The following CLEC16A variants were observed in gnomAD, a reference collection of about 807,000 sequenced individuals.
CLEC16A encodes the protein C-type lectin domain containing 16A.
Under a neutral mutation model 109.5 loss-of-function variants are expected in CLEC16A, and 51 were observed. The observed-to-expected ratio is 0.47, with a 90% CI of 0.37 to 0.59. The LOEUF (loss-of-function observed/expected upper bound fraction) is 0.59. CLEC16A is among the 20% of genes least tolerant of loss of function. The probability of loss-of-function intolerance (pLI) is 0.00; values close to 1 mark genes in which losing one functional copy is unlikely to be tolerated. For missense variants in CLEC16A, 1,339 were observed against 1,394.0 expected, an observed-to-expected ratio of 0.96 and a Z score of 0.63; for synonymous variants, 673 against 564.2, an observed-to-expected ratio of 1.19 and a Z score of -2.73.
In CLEC16A at chr16:11,178,743, G is replaced by A. The variant is rs756324255; in HGVS notation, c.*53G>A. The A allele has an allele frequency of 1.6e-5, 22 of 1,353,878 alleles. No individual in the cohort carries two copies. Among genetic ancestry groups the A allele is most frequent in the Non-Finnish European group, 2.1e-5 (22 of 1,024,624 alleles). 83.9% of individuals were successfully genotyped at this position (1,353,878 alleles called of 1,614,324 possible). A position where few individuals can be genotyped will look rare whatever the true frequency, so the allele number is the denominator to read the frequency against. On this transcript the variant is annotated 3_prime_UTR_variant, in exon 24 of 24. Transcript: ENST00000409790. This position sits in a 1 kb window ranked among gnomAD's most constrained non-coding sequence, Gnocchi z 6.5. ...TGTGGCCCCGCTGGTAGGGACCCCA[G>A]TGCCGCTGACTGGCAAGACACACTG... is the stretch of plus-strand genomic sequence containing the variant.
Position 10,977,300 on chromosome 16 carries a change from G to A in CLEC16A, c.804G>A (p.Leu268=), listed in dbSNP as rs766875525. ...LDHLHYLNDI[L]IINCEFLNDV... is the part of the protein sequence containing the mutation. Reference sequence around the variant, plus strand: ...ACCTGCACTATCTCAATGACATCCTGATCATCAACTGTGAGTTCCTCAACG... The same window carrying A: ...ACCTGCACTATCTCAATGACATCCTAATCATCAACTGTGAGTTCCTCAACG... Residue 268 remains leucine, a synonymous_variant, in exon 8 of 24, where the codon CTG becomes CTA. Coordinates refer to ENST00000409790, the MANE Select transcript of CLEC16A (RefSeq NM_015226.3). 5 of 1,613,870 alleles carry A rather than the reference G, an allele frequency of 3.1e-6. No homozygotes were observed. The African/African-American group carries it at 5.3e-5, about 17-fold the overall frequency.
intron 19 of CLEC16A, among the ~76,000 whole-genome samples, chr16:11,107,867 C>T (rs1298020134): frequency 6.6e-6 from 1 of 152,214 alleles, no homozygotes; most frequent in African/African-American, 2.4e-5. Flanking sequence ...AGATGCATTG[C>T]ACTGTCCTCC....
chr16:11,167,736 T>C (rs1467167432), intron 23 of CLEC16A, among the ~76,000 whole-genome samples: 1 of 152,142 alleles, frequency 6.6e-6, no homozygotes, highest in East Asian at 1.9e-4. Context: ...TGAGAGATCC[T>C]CTTCCACTCG....
intron 22 of CLEC16A, among the ~76,000 whole-genome samples, chr16:11,161,710 G>A (rs945344127): frequency 6.6e-6 from 1 of 152,210 alleles, no homozygotes; most frequent in Admixed American, 6.5e-5. Context: ...ACCCAGCTCT[G>A]CTCATCTCTC....
intron 22 of CLEC16A, among the ~76,000 whole-genome samples, chr16:11,163,232 T>A (rs891776184): frequency 5.3e-5 from 8 of 152,302 alleles, no homozygotes; most frequent in Admixed American, 1.3e-4. Flanking sequence ...CCTGATTCTC[T>A]GATGTGTTGC....
chr16:11,020,929 C>T (rs1354227784), intron 12 of CLEC16A, among the ~76,000 whole-genome samples: 2 of 152,222 alleles, frequency 1.3e-5, no homozygotes, highest in African/African-American at 4.8e-5. Flanking sequence ...AAGGCTACTC[C>T]CAGCGTATGC....
rs988025617 is a variant in CLEC16A, at chr16:11,180,037, G to C, written c.*1347G>C. ...CGGCCCCTCACCTCTCTGGTCACTG[G>C]TGAGACCTTCCACAACTTTCCTCCA... On this transcript the variant is annotated 3_prime_UTR_variant, in exon 24 of 24. Transcript: ENST00000409790. The C allele has an allele frequency of 2.6e-5, 4 of 152,426 alleles. No individual in the cohort carries two copies. Among genetic ancestry groups the C allele is most frequent in the African/African-American group, 9.7e-5 (4 of 41,450 alleles). The allele number at this position is 152,426 out of a possible 1,614,324, so 9.4% of individuals were successfully genotyped here.
At chr16:11,047,258 T>C in intron 16 of CLEC16A, 34 bp from the exon 17 acceptor site, 1 of 1,576,670 alleles carries the variant, frequency 6.3e-7, no homozygotes, top group Non-Finnish European at 8.7e-7. Flanking sequence ...AAAATATGAA[T>C]AATCTCCTCT....
At chr16:11,038,022 A>T (rs867197971) in intron 13 of CLEC16A, among the ~76,000 whole-genome samples, 1 of 152,132 alleles carries the variant, frequency 6.6e-6, no homozygotes, top group African/African-American at 2.4e-5. Flanking sequence ...TTTTTGAGGA[A>T]ACCCACATTT....
intron 19 of CLEC16A, among the ~76,000 whole-genome samples, chr16:11,087,285 C>T (rs2050065290): frequency 6.6e-6 from 1 of 152,068 alleles, no homozygotes; most frequent in Admixed American, 6.5e-5. Flanking sequence ...GGACCCCTGC[C>T]TGCCCACAGA....
chr16:11,024,123 A>G (rs2046279394), intron 12 of CLEC16A: 1 of 152,392 alleles, frequency 6.6e-6, no homozygotes, highest in South Asian at 2.1e-4. Flanking sequence ...AAGTGAAATC[A>G]TGAAGTAGTG....
At chr16:11,022,361 T>TG (rs2046158006) in intron 12 of CLEC16A, among the ~76,000 whole-genome samples, 1 of 142,300 alleles carries the variant, frequency 7.0e-6, no homozygotes, top group South Asian at 2.3e-4. Flanking sequence ...TTTTTTTTTT[T>TG]GCAAAGACAG....
chr16:10,962,409 C>T (rs1326050204), intron 2 of CLEC16A, 46 bp from the exon 3 acceptor site: 20 of 1,611,514 alleles, frequency 1.2e-5, no homozygotes, highest in Non-Finnish European at 1.7e-5. Flanking sequence ...ATTTCTGTTT[C>T]CACATGTGGA....
Position 11,133,778 on chromosome 16 carries a change from A to T in CLEC16A, c.2641+7632A>T, listed in dbSNP as rs575809176. 1.4e-4 allele frequency among the ~76,000 whole-genome samples: 21 copies of T among 145,114 alleles called. No individual in the cohort carries two copies. The South Asian group carries it at 4.3e-3, about 29-fold the overall frequency. ...CCAGTTCTCTCCTTGTAGCTCCCCA[A>T]GGCAAAAAATACCCTTTCTGGAGTC... is the stretch of plus-strand genomic sequence containing the variant. On this transcript the variant is annotated intron_variant, in intron 22 of 23. Coordinates refer to ENST00000409790, the MANE Select transcript of CLEC16A (RefSeq NM_015226.3).
At chr16:11,080,612 C>T (rs1041912501) in intron 19 of CLEC16A, among the ~76,000 whole-genome samples, 1 of 152,222 alleles carries the variant, frequency 6.6e-6, no homozygotes, top group African/African-American at 2.4e-5. Flanking sequence ...AAGTCTGCCA[C>T]GGGTCTCACT....
intron 19 of CLEC16A, among the ~76,000 whole-genome samples, chr16:11,068,889 G>A (rs538367799): frequency 2.0e-5 from 3 of 152,016 alleles, no homozygotes; most frequent in East Asian, 1.9e-4. Flanking sequence ...ATCTCGGCTC[G>A]CTGCAAGCTC....
intron 3 of CLEC16A, among the ~76,000 whole-genome samples, chr16:10,964,415 G>T (rs780772526): frequency 6.6e-6 from 1 of 152,220 alleles, no homozygotes; most frequent in Non-Finnish European, 1.5e-5. Context: ...GCCCAGTTCT[G>T]CCCCACACTG....
At chr16:11,044,746 C>G (rs979054148) in intron 16 of CLEC16A, among the ~76,000 whole-genome samples, 7 of 151,592 alleles carry the variant, frequency 4.6e-5, no homozygotes, top group African/African-American at 1.7e-4. Flanking sequence ...GCCTGACCAA[C>G]ATGGAGAAAC....
intron 5 of CLEC16A, 117 bp downstream of exon 5, chr16:10,971,347 C>A: frequency 1.2e-6 from 1 of 828,830 alleles, no homozygotes; most frequent in Non-Finnish European, 1.9e-6. Context: ...TGATGATGAG[C>A]CGTGGCAGCT....
Sources: gnomAD v4.1 joint callset for allele counts (sites outside exome capture counted in the v4.1 genomes callset) on GRCh38, gnomAD v4.1.1 for gene constraint, Gnocchi (gnomAD v3.1) non-coding constraint, MANE v1.5 for transcripts, NCBI Gene and HGNC (gene_info 2026-07-23, HGNC 2026-07-21) for gene names.